CFAP299: variants seen among roughly 807,000 people sequenced by gnomAD.
CFAP299 encodes cilia- and flagella-associated protein 299.
A neutral mutation model predicts 27.0 loss-of-function variants in CFAP299; 21 were observed. The observed-to-expected ratio is 0.78, with a 90% CI of 0.55 to 1.12. The LOEUF (loss-of-function observed/expected upper bound fraction) is 1.12. Ranked by LOEUF, CFAP299 falls within the 50% of genes most tolerant of loss-of-function variation. The probability of loss-of-function intolerance (pLI) is 0.00; values close to 1 mark genes in which losing one functional copy is unlikely to be tolerated. For missense variants in CFAP299, 310 were observed against 276.6 expected (o/e 1.12, Z -0.86); for synonymous variants, 104 against 98.1 (o/e 1.06, Z -0.36).
At chr4:80,340,038 A>C (rs1668396809) in intron 1 of CFAP299, among the ~76,000 whole-genome samples, 1 of 152,234 alleles carries the variant, frequency 6.6e-6, no homozygotes. Context: ...GGGAGGGGCC[A>C]AGATGGCTGA....
intron 3 of CFAP299, among the ~76,000 whole-genome samples, chr4:80,854,839 A>G (rs13106887): frequency 0.086 from 10,406 of 120,806 alleles, 901 homozygotes; most frequent in Middle Eastern, 0.17. Flanking sequence ...AAAAAAAAAC[A>G]GAAAAGGAAA....
At chr4:80,631,869 C>CG (rs146118097) in intron 3 of CFAP299, among the ~76,000 whole-genome samples, 2 of 113,302 alleles carry the variant, frequency 1.8e-5, no homozygotes, top group Non-Finnish European at 4.0e-5. Context: ...GCCCCACCCC[C>CG]CCCCAACCAA....
chr4:80,435,538 CA>C (rs899236366), intron 2 of CFAP299, among the ~76,000 whole-genome samples: 1 of 152,166 alleles, frequency 6.6e-6, no homozygotes, highest in Non-Finnish European at 1.5e-5. Flanking sequence ...TCTGGGCTGC[CA>C]AACTTGGACC....
At chr4:80,333,386 T>A (rs961611588), upstream of CFAP299, among the ~76,000 whole-genome samples, 4 of 152,192 alleles carry the variant, frequency 2.6e-5, no homozygotes, top group African/African-American at 9.6e-5. Flanking sequence ...ACAAATCTCT[T>A]GTCCTATTAG....
intron 4 of CFAP299, among the ~76,000 whole-genome samples, chr4:80,905,536 A>G (rs1415377904): frequency 6.6e-6 from 1 of 152,174 alleles, no homozygotes; most frequent in Non-Finnish European, 1.5e-5. Context: ...TAGTGCTTGT[A>G]TTAGTCAGTT....
intron 3 of CFAP299, among the ~76,000 whole-genome samples, chr4:80,638,354 G>A (rs913154170): frequency 6.6e-5 from 10 of 152,116 alleles, no homozygotes; most frequent in Non-Finnish European, 5.9e-5. Context: ...GCACTTTATC[G>A]ATATATGAAT....
At chr4:80,359,323 C>G (rs1482812439) in intron 1 of CFAP299, among the ~76,000 whole-genome samples, 1 of 151,980 alleles carries the variant, frequency 6.6e-6, no homozygotes, top group Non-Finnish European at 1.5e-5. Context: ...TGTGAAGTAC[C>G]TTACTGGGGT....
chr4:80,728,606 C>T (rs1187724264), intron 3 of CFAP299, among the ~76,000 whole-genome samples: 5 of 152,182 alleles, frequency 3.3e-5, no homozygotes, highest in Non-Finnish European at 7.4e-5. Context: ...CCTCACCCAT[C>T]TTTCCTTCCA....
intron 3 of CFAP299, among the ~76,000 whole-genome samples, chr4:80,672,679 G>A (rs534464546): frequency 6.6e-6 from 1 of 152,268 alleles, no homozygotes; most frequent in Admixed American, 6.5e-5. Flanking sequence ...CTCAATTTCA[G>A]AGCCTGTTAT....
intron 2 of CFAP299, among the ~76,000 whole-genome samples, chr4:80,436,685 T>C (rs1204456067): frequency 1.3e-5 from 2 of 152,166 alleles, no homozygotes; most frequent in African/African-American, 4.8e-5. Flanking sequence ...AGGTAAGGTA[T>C]TAAGCTATCT....
At chr4:80,913,113 G>T (rs1735563610) in intron 4 of CFAP299, among the ~76,000 whole-genome samples, 1 of 152,094 alleles carries the variant, frequency 6.6e-6, no homozygotes. Flanking sequence ...TTTCCTCCCT[G>T]CATCTAAGGA....
In CFAP299 at chr4:80,962,115, A is replaced by G. The variant is rs555871087; in HGVS notation, c.607-1402A>G. Reference sequence around the variant, plus strand: ...CCCCAGGGGTACAACTTTCTCCACCATGTAGGTTATTCATCTATAAGAGGA... The same window carrying G: ...CCCCAGGGGTACAACTTTCTCCACCGTGTAGGTTATTCATCTATAAGAGGA... On this transcript the variant is annotated intron_variant, in intron 5 of 5. Coordinates refer to ENST00000358105, the MANE Select transcript of CFAP299 (RefSeq NM_152770.3). Among the ~76,000 whole-genome samples the G allele has an allele frequency of 1.2e-3, 178 of 152,142 alleles. 1 individual carries two copies. Among genetic ancestry groups the G allele is most frequent in the South Asian group, 4.1e-3 (20 of 4,832 alleles).
intron 5 of CFAP299, among the ~76,000 whole-genome samples, chr4:80,950,943 C>A (rs1386005278): frequency 6.6e-6 from 1 of 152,100 alleles, no homozygotes; most frequent in African/African-American, 2.4e-5. Context: ...ATTCTATAGA[C>A]CTCAAGGAGA....
intron 3 of CFAP299, among the ~76,000 whole-genome samples, chr4:80,819,466 CA>C (rs780195012): frequency 5.9e-5 from 9 of 152,112 alleles, no homozygotes; most frequent in Middle Eastern, 3.4e-3. Context: ...TAGCCATATC[CA>C]CAAGACATAA....
chr4:80,904,523 T>C (rs896987035), intron 4 of CFAP299, among the ~76,000 whole-genome samples: 4 of 152,136 alleles, frequency 2.6e-5, no homozygotes, highest in African/African-American at 9.7e-5. Flanking sequence ...CTTTTCCTCT[T>C]TATTTTTTTT....
chr4:80,507,296 G>T (rs939142516), intron 2 of CFAP299, among the ~76,000 whole-genome samples: 2 of 152,166 alleles, frequency 1.3e-5, no homozygotes, highest in Non-Finnish European at 2.9e-5. Context: ...GCCCTGGACA[G>T]TAGTGATAAG....
chr4:80,702,621 A>T (rs1260928442), intron 3 of CFAP299, among the ~76,000 whole-genome samples: 1 of 151,828 alleles, frequency 6.6e-6, no homozygotes, highest in Non-Finnish European at 1.5e-5. Context: ...TTTATTGAAT[A>T]CTTTTTCCTG....
At chr4:80,427,787 A>G (rs1702065037) in intron 2 of CFAP299, among the ~76,000 whole-genome samples, 1 of 152,208 alleles carries the variant, frequency 6.6e-6, no homozygotes, top group Admixed American at 6.5e-5. Flanking sequence ...GGCATTCAGG[A>G]CATTTTATTT....
intron 2 of CFAP299, among the ~76,000 whole-genome samples, chr4:80,484,843 CTG>C (rs1730729906): frequency 6.6e-6 from 1 of 151,946 alleles, no homozygotes; most frequent in South Asian, 2.1e-4. Flanking sequence ...AATATTTTTC[CTG>C]TGTGTCCTAT....
Sources: gnomAD v4.1 joint callset for allele counts (sites outside exome capture counted in the v4.1 genomes callset) on GRCh38, gnomAD v4.1.1 for gene constraint, MANE v1.5 for transcripts, NCBI Gene and HGNC (gene_info 2026-07-23, HGNC 2026-07-21) for gene names.